Variants in CS observed in about 807,000 individuals in gnomAD.
CS encodes citrate synthase, also known as citrate synthase, mitochondrial.
Under a neutral mutation model 61.4 loss-of-function variants are expected in CS, and 13 were observed. The ratio of observed to expected loss-of-function variants is 0.21; its 90% CI spans 0.14 to 0.34. CS has a LOEUF of 0.34. CS is among the 10% of genes least tolerant of loss of function. CS has a pLI of 1.00. For missense variants in CS, 278 were observed against 573.4 expected (o/e 0.48, Z 5.26); for synonymous variants, 159 against 215.2 (o/e 0.74, Z 2.29).
intron 6 of CS, among the ~76,000 whole-genome samples, 174 bp from the exon 7 acceptor site, chr12:56,276,369 T>C (rs542435536): frequency 3.9e-5 from 6 of 152,196 alleles, no homozygotes; most frequent in Non-Finnish European, 8.8e-5. Context: ...ATCATAACCA[T>C]TTCACTGAAT....
chr12:56,275,117 C>T lies in CS; in HGVS notation c.803G>A (p.Gly268Asp). ...ATGGCTGGTATGGGCACTTACATTG[C>T]CACCCTCATGGTCACTGTGGGGAAG... Reference protein sequence around the residue: ...YLTIHSDHEGGNVSAHTSHLV... With the variant: ...YLTIHSDHEGDNVSAHTSHLV... The change falls in exon 8 of 11, where the codon GGC (glycine) becomes GAC (aspartate). Residue 268 changes from glycine (G) to aspartate (D), a missense_variant. Physicochemically the swap from Gly to Asp is moderately conservative, Grantham distance 94 (BLOSUM62 -1). Around this residue, in one of 2 missense-constraint regions of CS, gnomAD observed 223 missense variants for 503.5 expected, o/e 0.44. Coordinates refer to ENST00000351328, the MANE Select transcript of CS (RefSeq NM_004077.3). 1 of 1,614,172 alleles carries T rather than the reference C, an allele frequency of 6.2e-7. No individual in the cohort carries two copies. The highest frequency in any genetic ancestry group is 2.2e-5 in the East Asian group (1 of 44,894).
intron 6 of CS, among the ~76,000 whole-genome samples, chr12:56,280,590 G>A (rs1370594437): frequency 4.0e-5 from 6 of 151,878 alleles, no homozygotes; most frequent in Non-Finnish European, 5.9e-5. Flanking sequence ...TCATGCCACT[G>A]CATCCTGGCC....
Position 56,300,330 on chromosome 12 carries a change from G to T in CS, c.-129C>A, listed in dbSNP as rs550849398. The T allele has an allele frequency of 1.9e-6, 2 of 1,049,496 alleles. No individual in the cohort carries two copies. The highest frequency in any genetic ancestry group is 1.4e-6 in the Non-Finnish European group (1 of 727,662). The allele number at this position is 1,049,496 out of a possible 1,614,324, so 65.0% of individuals were successfully genotyped here. A position where few individuals can be genotyped will look rare whatever the true frequency, so the allele number is the denominator to read the frequency against. ...CAAGGTTGAAAGGAGGCGGCTGAAGGAAAGAGTAGACGAACCGGCGGCGGC... is the reference window on the plus strand; with the variant it reads ...CAAGGTTGAAAGGAGGCGGCTGAAGTAAAGAGTAGACGAACCGGCGGCGGC... On this transcript the variant is annotated 5_prime_UTR_variant, in exon 1 of 11. Transcript: ENST00000351328.
intron 1 of CS, among the ~76,000 whole-genome samples, chr12:56,298,108 C>T (rs955824385): frequency 2.0e-5 from 3 of 152,094 alleles, no homozygotes; most frequent in Non-Finnish European, 2.9e-5. Flanking sequence ...GAGCGATCCT[C>T]CTGCCTCAGC....
intron 6 of CS, among the ~76,000 whole-genome samples, chr12:56,279,334 C>T (rs1872707152): frequency 6.6e-6 from 1 of 151,952 alleles, no homozygotes; most frequent in Admixed American, 6.6e-5. Flanking sequence ...TATGTAAAAA[C>T]AACTCCTTAA....
chr12:56,289,372 C>T (rs1362621557), intron 1 of CS, among the ~76,000 whole-genome samples: 1 of 152,196 alleles, frequency 6.6e-6, no homozygotes, highest in African/African-American at 2.4e-5. Flanking sequence ...CCAGAGACTA[C>T]ATCAGCCCAG....
chr12:56,286,414 G>C (rs1243518261), intron 2 of CS, 181 bp downstream of exon 2: 17 of 571,974 alleles, frequency 3.0e-5, no homozygotes. Context: ...CTATACCACT[G>C]AGTAAATTAT....
chr12:56,275,257 T>G (rs1163259362), intron 7 of CS, 126 bp from the exon 8 acceptor site: 1 of 1,113,814 alleles, frequency 9.0e-7, no homozygotes, highest in Admixed American at 2.0e-5. Context: ...AGCCAGTCAG[T>G]TATACCTAAA....
intron 2 of CS, 79 bp from the exon 3 acceptor site, chr12:56,286,102 T>A (rs553909461): frequency 1.6e-6 from 2 of 1,273,974 alleles, no homozygotes; most frequent in South Asian, 2.4e-5. Context: ...GTCAAGAATT[T>A]GCTTTTTAGA....
In CS at chr12:56,272,306, C is replaced by G. The variant is rs1362784671; in HGVS notation, c.*778G>C. On this transcript the variant is annotated 3_prime_UTR_variant, in exon 11 of 11. Transcript: ENST00000351328. ...GTTCACATTAAGCACTGATAAAACC[C>G]AATGACTGGGCCCACAGATCTGTTG... 5.9e-6 allele frequency: 1 copy of G among 170,506 alleles called. No homozygotes were observed. Among genetic ancestry groups the G allele is most frequent in the Non-Finnish European group, 1.3e-5 (1 of 79,226 alleles). 10.6% of individuals were successfully genotyped at this position (170,506 alleles called of 1,614,324 possible).
rs1872565771 is a variant in CS, at chr12:56,273,767, T to C, written c.1050A>G (p.Leu350=). The C allele has an allele frequency of 3.1e-6, 5 of 1,614,010 alleles. No homozygotes were observed. The highest frequency in any genetic ancestry group is 3.3e-5 in the Admixed American group (2 of 60,000). The change falls in exon 10 of 11, where the codon CTA becomes CTG. Residue 350 remains leucine, a synonymous_variant. Transcript: ENST00000351328. The part of the protein sequence containing the change: ...RVVPGYGHAV[L]RKTDPRYTCQ... ...AGGTATATCGCGGATCAGTCTTCCT[T>C]AGTACTGCATGGCCATAGCCTGGAA...
At chr12:56,298,029 G>C (rs957116249) in intron 1 of CS, among the ~76,000 whole-genome samples, 1 of 150,790 alleles carries the variant, frequency 6.6e-6, no homozygotes, top group African/African-American at 2.4e-5. Context: ...ACGGAGTTTC[G>C]CTCTTGTTGC....
chr12:56,276,304 T>C, intron 6 of CS, 109 bp from the exon 7 acceptor site: 1 of 935,960 alleles, frequency 1.1e-6, no homozygotes, highest in South Asian at 1.4e-5. Flanking sequence ...GGGTTGATGG[T>C]TAGTTATATG....
chr12:56,289,777 CG>C (rs1873058694), intron 1 of CS, among the ~76,000 whole-genome samples: 2 of 151,902 alleles, frequency 1.3e-5, no homozygotes, highest in South Asian at 4.1e-4. Flanking sequence ...CTTATAGAGA[CG>C]GGGGTCTTGC....
rs1872618311 is a variant in CS, at chr12:56,276,177, T to C, written c.607A>G (p.Met203Val). The change falls in exon 7 of 11, where the codon ATG becomes GTG. Residue 203 changes from methionine (M) to valine (V), a missense_variant. By Grantham distance (21) the Met-to-Val change is conservative. Transcript: ENST00000351328. ...CAAGGTAGCTTTGCGATTAGATCCA[T>C]AGAGTCTTCATAAATCAACTGACAG... is the stretch of plus-strand genomic sequence containing the variant. ...KYWELIYEDS[M>V]DLIAKLPCVA... is the part of the protein sequence containing the mutation. The C allele has an allele frequency of 1.9e-6, 3 of 1,613,880 alleles. No individual in the cohort carries two copies. The highest frequency in any genetic ancestry group is 1.3e-5 in the African/African-American group (1 of 74,848).
chr12:56,274,240 G>C (rs1872576635), intron 9 of CS: 1 of 183,532 alleles, frequency 5.4e-6, no homozygotes, highest in Non-Finnish European at 1.1e-5. Flanking sequence ...AGAATCACTT[G>C]AACCCGAGAG....
Position 56,275,098 on chromosome 12 carries a change from G to A in CS, c.822C>T (p.Thr274=). ...AAAGGGCACTGCCCACCAAATGGCT[G>A]GTATGGGCACTTACATTGCCACCCT... The part of the protein sequence containing the change: ...DHEGGNVSAH[T]SHLVGSALSD... The change falls in exon 8 of 11, where the codon ACC becomes ACT. Residue 274 remains threonine (T), a synonymous_variant. Coordinates refer to ENST00000351328, the MANE Select transcript of CS (RefSeq NM_004077.3). 2 of 1,614,180 alleles carry A rather than the reference G, an allele frequency of 1.2e-6. No homozygotes were observed. Among genetic ancestry groups the A allele is most frequent in the Non-Finnish European group, 1.7e-6 (2 of 1,180,016 alleles).
chr12:56,277,671 C>T (rs369322630), intron 6 of CS, among the ~76,000 whole-genome samples: 4 of 144,372 alleles, frequency 2.8e-5, no homozygotes, highest in African/African-American at 1.0e-4. Flanking sequence ...CGCTCTGTCG[C>T]CGAGGCTGGA....
Position 56,271,824 on chromosome 12 carries a change from T to A in CS, c.*1260A>T, listed in dbSNP as rs1442835327. The A allele has an allele frequency of 2.2e-6, 1 of 455,796 alleles. No individual in the cohort carries two copies. The highest frequency in any genetic ancestry group is 4.4e-6 in the Non-Finnish European group (1 of 226,514). The allele number at this position is 455,796 out of a possible 1,614,324, so 28.2% of individuals were successfully genotyped here. On this transcript the variant is annotated 3_prime_UTR_variant, in exon 11 of 11. Coordinates refer to ENST00000351328, the MANE Select transcript of CS (RefSeq NM_004077.3). Reference sequence around the variant, plus strand: ...AACAGTGTGGTTCTGGGACTGGGTATCCACACAAACACAGGCAGGAGTTTG... The same window carrying A: ...AACAGTGTGGTTCTGGGACTGGGTAACCACACAAACACAGGCAGGAGTTTG...
Sources: gnomAD v4.1 joint callset for allele counts (sites outside exome capture counted in the v4.1 genomes callset) on GRCh38, gnomAD v4.1.1 for gene constraint, gnomAD v4.1.1 regional missense constraint, MANE v1.5 for transcripts, NCBI Gene and HGNC (gene_info 2026-07-23, HGNC 2026-07-21) for gene names.